LRMDA: variants seen among roughly 807,000 people sequenced by gnomAD.
LRMDA encodes leucine rich melanocyte differentiation associated.
LRMDA carries 18 observed loss-of-function variants against 29.8 expected under a neutral mutation model. That is an observed-to-expected ratio of 0.60 (90% CI 0.42 to 0.90). The LOEUF (loss-of-function observed/expected upper bound fraction) is 0.90. Among genes scored for constraint, LRMDA ranks in the 40% least tolerant of loss-of-function variants. LRMDA has a pLI of 0.00. For missense variants in LRMDA, 273 were observed against 273.9 expected (o/e 1.00, Z 0.02); for synonymous variants, 125 against 109.4 (o/e 1.14, Z -0.89).
chr10:75,673,602 C>T (rs1366194836), intron 2 of LRMDA, among the ~76,000 whole-genome samples: 3 of 152,116 alleles, frequency 2.0e-5, no homozygotes, highest in Admixed American at 6.5e-5. Context: ...TCTCTGAGGA[C>T]ATTTTGACTC....
In LRMDA at chr10:76,329,542, A is replaced by G. The variant is rs573606907; in HGVS notation, c.601+5057A>G. ...AGGAAATTTGCTGTGAAACTTGCTTAGAGATGATAACCTTTCTACTTTGAC... is the reference window on the plus strand; with the variant it reads ...AGGAAATTTGCTGTGAAACTTGCTTGGAGATGATAACCTTTCTACTTTGAC... On this transcript the variant is annotated intron_variant, in intron 6 of 6. Transcript: ENST00000611255. Among the ~76,000 whole-genome samples the G allele has an allele frequency of 5.9e-5, 9 of 152,254 alleles. 1 individual carries two copies. The highest frequency in any genetic ancestry group is 1.3e-4 in the Non-Finnish European group (9 of 68,040).
In LRMDA at chr10:75,661,328, CT is replaced by C. The variant is rs1182258513; in HGVS notation, c.131+222836del. Among the ~76,000 whole-genome samples, 3 of 152,342 alleles carry C rather than the reference CT, an allele frequency of 2.0e-5. No individual in the cohort carries two copies. The South Asian group carries it at 6.2e-4, about 32-fold the overall frequency. On this transcript the variant is annotated intron_variant, in intron 2 of 6. Transcript: ENST00000611255. ...GAACTTCTCAGAGAAGATACTATTT[CT>C]TGCCGTGAGTGGGAGTTTGTACCAG... is the stretch of plus-strand genomic sequence containing the variant.
chr10:76,444,920 C>T (rs1842339131), intron 6 of LRMDA, among the ~76,000 whole-genome samples: 2 of 151,862 alleles, frequency 1.3e-5, no homozygotes, highest in South Asian at 2.1e-4. Context: ...TACATATATA[C>T]ATATATGTTC....
chr10:76,461,517 C>T (rs1176909195), intron 6 of LRMDA, among the ~76,000 whole-genome samples: 2 of 152,162 alleles, frequency 1.3e-5, no homozygotes, highest in Non-Finnish European at 2.9e-5. Context: ...TGGTTCTTAG[C>T]AAATGTTCTT....
At chr10:75,982,650 G>A (rs1360121083) in intron 2 of LRMDA, among the ~76,000 whole-genome samples, 2 of 152,226 alleles carry the variant, frequency 1.3e-5, no homozygotes. Flanking sequence ...AGATAGTGGT[G>A]ACCTAGGACT....
At chr10:76,180,443 C>G (rs893064250) in intron 5 of LRMDA, among the ~76,000 whole-genome samples, 1 of 151,852 alleles carries the variant, frequency 6.6e-6, no homozygotes, top group African/African-American at 2.4e-5. Context: ...CCACACCCGG[C>G]TAATTTTTTG....
At chr10:76,047,358 G>A in intron 4 of LRMDA, 55 bp downstream of exon 4, 2 of 1,521,004 alleles carry the variant, frequency 1.3e-6, no homozygotes, top group African/African-American at 1.4e-5. Context: ...GAAACTTTAG[G>A]GGATGATATT....
At chr10:75,999,586 T>C (rs766987869) in intron 2 of LRMDA, among the ~76,000 whole-genome samples, 1 of 152,210 alleles carries the variant, frequency 6.6e-6, no homozygotes, top group Non-Finnish European at 1.5e-5. Context: ...GTCCCCAATC[T>C]AGGAGTTTCT....
intron 5 of LRMDA, among the ~76,000 whole-genome samples, chr10:76,299,642 A>G (rs1023055224): frequency 1.3e-5 from 2 of 148,328 alleles, no homozygotes; most frequent in Admixed American, 6.7e-5. Context: ...CTGCAAGGAC[A>G]GTTGTTTCCT....
chr10:75,716,383 C>T (rs193238787), intron 2 of LRMDA, among the ~76,000 whole-genome samples: 1 of 152,212 alleles, frequency 6.6e-6, no homozygotes, highest in East Asian at 1.9e-4. Context: ...TATAATAAAC[C>T]CTCGTTGTTT....
intron 5 of LRMDA, among the ~76,000 whole-genome samples, chr10:76,094,168 G>T (rs1849278009): frequency 6.6e-6 from 1 of 152,162 alleles, no homozygotes; most frequent in African/African-American, 2.4e-5. Flanking sequence ...GATGAGGTTG[G>T]CTTCTGAGAT....
At chr10:75,879,185 C>T (rs57808733) in intron 2 of LRMDA, among the ~76,000 whole-genome samples, 18,500 of 152,170 alleles carry the variant, frequency 0.12, 1,352 homozygotes, top group Admixed American at 0.2. Flanking sequence ...GTGGTGGCGG[C>T]GTGAGGAGTG....
intron 5 of LRMDA, among the ~76,000 whole-genome samples, chr10:76,280,812 C>A (rs1410547873): frequency 6.7e-6 from 1 of 148,988 alleles, no homozygotes; most frequent in Non-Finnish European, 1.5e-5. Context: ...GGGAATGTGC[C>A]TTAAAAAAAA....
intron 2 of LRMDA, among the ~76,000 whole-genome samples, chr10:75,522,325 A>C (rs1351695583): frequency 6.6e-6 from 1 of 152,228 alleles, no homozygotes; most frequent in Non-Finnish European, 1.5e-5. Flanking sequence ...TGGACTGGGA[A>C]GGACTTAGAG....
chr10:76,386,117 T>C (rs1303781205), intron 6 of LRMDA, among the ~76,000 whole-genome samples: 1 of 152,204 alleles, frequency 6.6e-6, no homozygotes, highest in Non-Finnish European at 1.5e-5. Context: ...TTTATCAACT[T>C]GACATATCTG....
At position 75,593,751 on chromosome 10, in the gene LRMDA, G is replaced by A. The variant is rs79852280; in HGVS notation, c.131+155257G>A. Among the ~76,000 whole-genome samples the A allele has an allele frequency of 9.6e-4, 146 of 152,166 alleles. 2 individuals carry two copies. In the East Asian group the frequency reaches 0.026, roughly 27 times the overall value. Reference sequence around the variant, plus strand: ...GATTCCATGGAAGTTCACGTCAGGGGCTATGTGGATCCTGTCGCCCTTATT... The same window carrying A: ...GATTCCATGGAAGTTCACGTCAGGGACTATGTGGATCCTGTCGCCCTTATT... On this transcript the variant is annotated intron_variant, in intron 2 of 6. Transcript: ENST00000611255.
At chr10:75,747,338 T>G (rs2132215446) in intron 2 of LRMDA, among the ~76,000 whole-genome samples, 1 of 152,318 alleles carries the variant, frequency 6.6e-6, no homozygotes, top group Middle Eastern at 3.4e-3. Flanking sequence ...GCTAAGAGAT[T>G]TAATTATGGT....
Position 75,469,282 on chromosome 10 carries a change from G to T in LRMDA, c.131+30788G>T, listed in dbSNP as rs1331800316. Among the ~76,000 whole-genome samples the T allele has an allele frequency of 2.3e-5, 3 of 133,298 alleles. No homozygotes were observed. The East Asian group carries it at 8.2e-4, about 37-fold the overall frequency. 87.4% of individuals were successfully genotyped at this position (133,298 alleles called of 152,430 possible). ...GGAAAATGGCTTTTATAGAGAGCAT[G>T]TTGCAATAAAGAAACAGTGAGTCAC... On this transcript the variant is annotated intron_variant, in intron 2 of 6. Transcript: ENST00000611255.
At chr10:76,245,238 T>A (rs1852353454) in intron 5 of LRMDA, among the ~76,000 whole-genome samples, 2 of 152,186 alleles carry the variant, frequency 1.3e-5, no homozygotes, top group Non-Finnish European at 2.9e-5. Flanking sequence ...GAACTAGAGA[T>A]GTTTTAAAGA....
Sources: gnomAD v4.1 joint callset for allele counts (sites outside exome capture counted in the v4.1 genomes callset) on GRCh38, gnomAD v4.1.1 for gene constraint, MANE v1.5 for transcripts, NCBI Gene and HGNC (gene_info 2026-07-23, HGNC 2026-07-21) for gene names.